The following ZNF337 variants were observed in gnomAD, a reference collection of about 807,000 sequenced individuals.
ZNF337 encodes zinc finger protein 337.
Under a neutral mutation model 12.1 loss-of-function variants are expected in ZNF337, and 8 were observed. That is an observed-to-expected ratio of 0.66 (90% CI 0.39 to 1.19). The LOEUF (loss-of-function observed/expected upper bound fraction) is 1.19. Ranked by LOEUF, ZNF337 falls within the 50% of genes most tolerant of loss-of-function variation. ZNF337 has a pLI of 0.01. For synonymous variants in ZNF337, 336 were observed against 320.0 expected (o/e 1.05, Z -0.53); for missense variants, 882 against 896.6 (o/e 0.98, Z 0.21).
Position 25,676,389 on chromosome 20 carries a change from C to T in ZNF337, c.899G>A (p.Arg300Lys), listed in dbSNP as rs2065690597. ...KPYECQECGR[R>K]FNDKSSYNKH... ...GTTGTATGAGGACTTATCGTTAAAC[C>T]TTCGCCCACACTCCTGGCATTCATA... is the stretch of plus-strand genomic sequence containing the variant. The change falls in exon 5 of 5, where the codon AGG becomes AAG. Residue 300 changes from arginine (R) to lysine (K), a missense_variant. Coordinates refer to ENST00000252979, the MANE Select transcript of ZNF337 (RefSeq NM_015655.4). The T allele has an allele frequency of 1.2e-6, 2 of 1,614,204 alleles. No homozygotes were observed. Among genetic ancestry groups the T allele is most frequent in the Non-Finnish European group, 1.7e-6 (2 of 1,180,042 alleles).
chr20:25,686,368 A>C, intron 2 of ZNF337, 23 bp downstream of exon 2: 2 of 1,607,268 alleles, frequency 1.2e-6, no homozygotes, highest in Non-Finnish European at 1.7e-6. Flanking sequence ...GACAGCAAGA[A>C]CGACAGTTCT....
chr20:25,684,431 T>C (rs945611628), intron 4 of ZNF337, among the ~76,000 whole-genome samples: 1 of 152,004 alleles, frequency 6.6e-6, no homozygotes, highest in Admixed American at 6.5e-5. Flanking sequence ...TGAGATACCA[T>C]CTCACGCCAG....
intron 1 of ZNF337, among the ~76,000 whole-genome samples, chr20:25,688,186 T>G (rs974879491): frequency 2.0e-5 from 3 of 152,232 alleles, no homozygotes; most frequent in Non-Finnish European, 4.4e-5. Flanking sequence ...TCTTAGAAGT[T>G]TAAATATGTT....
At chr20:25,685,213 C>CAA (rs946138932) in intron 4 of ZNF337, among the ~76,000 whole-genome samples, 6 of 149,784 alleles carry the variant, frequency 4.0e-5, no homozygotes, top group African/African-American at 1.5e-4. Flanking sequence ...AATTAAAAAA[C>CAA]AAAACAAAAC....
chr20:25,693,566 T>C (rs1055906676), intron 1 of ZNF337, among the ~76,000 whole-genome samples: 1 of 152,156 alleles, frequency 6.6e-6, no homozygotes, highest in African/African-American at 2.4e-5. Flanking sequence ...GCACCACGAA[T>C]GCAGCAGCCT....
At chr20:25,694,984 G>A (rs796972788) in intron 1 of ZNF337, among the ~76,000 whole-genome samples, 20 of 152,264 alleles carry the variant, frequency 1.3e-4, no homozygotes, top group African/African-American at 4.8e-4. Flanking sequence ...GGAAGAGACA[G>A]CCAGCCTGAC....
At chr20:25,691,524 G>A (rs1246485918) in intron 1 of ZNF337, among the ~76,000 whole-genome samples, 3 of 152,146 alleles carry the variant, frequency 2.0e-5, no homozygotes, top group Non-Finnish European at 4.4e-5. Flanking sequence ...AGGAACACAG[G>A]ACTGGCAGGG....
Position 25,686,042 on chromosome 20 carries a change from C to T in ZNF337, c.108G>A (p.Leu36=), listed in dbSNP as rs149152521. 46 of 1,613,938 alleles carry T rather than the reference C, an allele frequency of 2.9e-5. No individual in the cohort carries two copies. Among genetic ancestry groups the T allele is most frequent in the Non-Finnish European group, 3.7e-5 (44 of 1,179,980 alleles). ...AGTTCTCCAGTGTCACCTCCCTGTA[C>T]AGGGCCCTCTGAGCAGGGCTCAGCA... ...WRLLSPAQRA[L]YREVTLENYS... The change falls in exon 3 of 5, where the codon CTG becomes CTA. Residue 36 remains leucine (L), a synonymous_variant. Transcript: ENST00000252979.
intron 1 of ZNF337, among the ~76,000 whole-genome samples, chr20:25,692,588 T>C (rs1034007039): frequency 1.3e-5 from 2 of 152,150 alleles, no homozygotes; most frequent in Admixed American, 6.6e-5. Flanking sequence ...TTGAAAAAAA[T>C]TGAATATCCC....
intron 4 of ZNF337, chr20:25,681,222 G>A (rs574229962): frequency 6.4e-4 from 97 of 152,286 alleles, no homozygotes; most frequent in African/African-American, 1.9e-3. Context: ...AGAACTGTAC[G>A]AAATAAATGT....
intron 4 of ZNF337, among the ~76,000 whole-genome samples, chr20:25,682,625 G>A (rs2065780253): frequency 6.6e-6 from 1 of 152,058 alleles, no homozygotes; most frequent in Non-Finnish European, 1.5e-5. Flanking sequence ...CTGAGGTCAG[G>A]AGTTCAAAAC....
intron 1 of ZNF337, among the ~76,000 whole-genome samples, chr20:25,689,358 A>C (rs765259722): frequency 6.6e-6 from 1 of 152,094 alleles, no homozygotes; most frequent in Non-Finnish European, 1.5e-5. Context: ...TGTTCACTCT[A>C]TCCTCGGTTT....
chr20:25,693,208 T>C (rs907420590), intron 1 of ZNF337, among the ~76,000 whole-genome samples: 5 of 152,152 alleles, frequency 3.3e-5, no homozygotes, highest in Non-Finnish European at 5.9e-5. Flanking sequence ...TCCAGAGTAG[T>C]TGGGATTACA....
At chr20:25,689,257 C>G (rs73597860) in intron 1 of ZNF337, among the ~76,000 whole-genome samples, 3 of 151,962 alleles carry the variant, frequency 2.0e-5, no homozygotes, top group Admixed American at 2.0e-4. Context: ...TGAGCGGAGA[C>G]CGTGCCACTG....
intron 4 of ZNF337, among the ~76,000 whole-genome samples, chr20:25,681,826 T>A (rs1205899258): frequency 6.6e-6 from 1 of 152,226 alleles, no homozygotes; most frequent in African/African-American, 2.4e-5. Flanking sequence ...ATTATAATAC[T>A]ACTTATTGAT....
At chr20:25,688,756 T>C (rs1193088598) in intron 1 of ZNF337, among the ~76,000 whole-genome samples, 1 of 152,240 alleles carries the variant, frequency 6.6e-6, no homozygotes, top group Non-Finnish European at 1.5e-5. Context: ...AAGAAAAATA[T>C]TAAGCTGAAA....
At chr20:25,688,914 T>A (rs2065858331) in intron 1 of ZNF337, among the ~76,000 whole-genome samples, 3 of 151,898 alleles carry the variant, frequency 2.0e-5, no homozygotes, top group Admixed American at 6.6e-5. Flanking sequence ...CTCCTCCTCG[T>A]GGTCAGGAGA....
intron 1 of ZNF337, among the ~76,000 whole-genome samples, chr20:25,695,812 C>T (rs192978344): frequency 4.6e-5 from 7 of 152,256 alleles, no homozygotes; most frequent in African/African-American, 1.7e-4. Flanking sequence ...CAGGCATGAG[C>T]CACACTGCTC....
chr20:25,686,582 C>T (rs2065835902), intron 1 of ZNF337, 116 bp from the exon 2 acceptor site: 1 of 753,412 alleles, frequency 1.3e-6, no homozygotes, highest in African/African-American at 1.8e-5. Flanking sequence ...TGCACAATTC[C>T]CCTGTGGGGA....
Sources: allele counts gnomAD v4.1 joint callset (sites outside exome capture counted in the v4.1 genomes callset), GRCh38; gene constraint gnomAD v4.1.1; transcripts MANE v1.5; gene names NCBI Gene and HGNC (gene_info 2026-07-23, HGNC 2026-07-21).